The following ATG14 variants were observed in gnomAD, a reference collection of about 807,000 sequenced individuals.
ATG14 encodes the protein beclin 1-associated autophagy-related key regulator.
ATG14 carries 35 observed loss-of-function variants against 60.4 expected under a neutral mutation model. The ratio of observed to expected loss-of-function variants is 0.58; its 90% CI spans 0.44 to 0.77. The LOEUF (loss-of-function observed/expected upper bound fraction) is 0.77. Ranked by LOEUF, ATG14 falls within the 30% of genes least tolerant of loss-of-function variation. The pLI, the probability that ATG14 is intolerant of heterozygous loss-of-function variation, is 0.00. For synonymous variants in ATG14, 234 were observed against 228.8 expected, an observed-to-expected ratio of 1.02 and a Z score of -0.21; for missense variants, 647 against 626.3, an observed-to-expected ratio of 1.03 and a Z score of -0.35.
rs1259706421 is a variant in ATG14 at position 55,369,168 on chromosome 14, C to CT, written c.*450dup. 6.5e-6 allele frequency: 1 copy of CT among 153,270 alleles called. No individual in the cohort carries two copies. Among genetic ancestry groups the CT allele is most frequent in the East Asian group, 1.9e-4 (1 of 5,214 alleles). The allele number at this position is 153,270 out of a possible 1,614,324, so 9.5% of individuals were successfully genotyped here. A position where few individuals can be genotyped will look rare whatever the true frequency, so the allele number is the denominator to read the frequency against. On this transcript the variant is annotated 3_prime_UTR_variant, in exon 10 of 10. Transcript: ENST00000247178. ...TGGCAGAAAAACTCTTATTAAAGAG[C>CT]TTTTATCTTTCATGTCCTAATAATC...
At chr14:55,386,166 C>A (rs887132113) in intron 4 of ATG14, 70 bp from the exon 5 acceptor site, 3 of 1,278,446 alleles carry the variant, frequency 2.3e-6, no homozygotes, top group Non-Finnish European at 3.3e-6. Flanking sequence ...AGCTCCACCC[C>A]ACAAACATGC....
chr14:55,367,905 A>G lies in ATG14; in HGVS notation c.*1714T>C, dbSNP rs1266443603. On this transcript the variant is annotated 3_prime_UTR_variant, in exon 10 of 10. Transcript: ENST00000247178. ...ACCAAATATACCATTAGCAAAAGCT[A>G]TATAGCACCTCGGACTTGGAGGCAA... 1.3e-5 allele frequency: 2 copies of G among 152,580 alleles called. No homozygotes were observed. Among genetic ancestry groups the G allele is most frequent in the Non-Finnish European group, 2.9e-5 (2 of 68,036 alleles). 9.5% of individuals were successfully genotyped at this position (152,580 alleles called of 1,614,324 possible). A position where few individuals can be genotyped will look rare whatever the true frequency, so the allele number is the denominator to read the frequency against.
chr14:55,381,437 G>A (rs1308978048), intron 6 of ATG14, among the ~76,000 whole-genome samples: 2 of 152,010 alleles, frequency 1.3e-5, no homozygotes, highest in Non-Finnish European at 2.9e-5. Context: ...TTTAAATAAC[G>A]TCCTCTTACA....
At chr14:55,370,743 C>CT (rs1319517236) in intron 9 of ATG14, among the ~76,000 whole-genome samples, 2 of 151,284 alleles carry the variant, frequency 1.3e-5, no homozygotes, top group East Asian at 3.9e-4. Context: ...CAGGTGCAAG[C>CT]GATTCTCCTG....
chr14:55,368,949 C>A lies in ATG14; in HGVS notation c.*670G>T, dbSNP rs1275643431. 1 of 152,550 alleles carries A rather than the reference C, an allele frequency of 6.6e-6. No homozygotes were observed. Among genetic ancestry groups the A allele is most frequent in the Non-Finnish European group, 1.5e-5 (1 of 68,034 alleles). 9.4% of individuals were successfully genotyped at this position (152,550 alleles called of 1,614,324 possible). A position where few individuals can be genotyped will look rare whatever the true frequency, so the allele number is the denominator to read the frequency against. On this transcript the variant is annotated 3_prime_UTR_variant, in exon 10 of 10. Transcript: ENST00000247178. ...GACATTATTGCAGCCAGGATTTCTT[C>A]CATTTATGGATGTGGGTCCTAAAGA...
chr14:55,382,005 G>A lies in ATG14; in HGVS notation c.834C>T (p.Ala278=). The change falls in exon 6 of 10, where the codon GCC becomes GCT. Residue 278 remains alanine (A), a synonymous_variant. Coordinates refer to ENST00000247178, the MANE Select transcript of ATG14 (RefSeq NM_014924.5). ...TCTTCTCCTCCACCCAGCTGTAGTA[G>A]GCAGAGTAGTCCCCATTGTTAGGGA... ...ISLPNNGDYS[A]YYSWVEEKKT... The A allele has an allele frequency of 5.6e-6, 9 of 1,614,140 alleles. No homozygotes were observed. Among genetic ancestry groups the A allele is most frequent in the Non-Finnish European group, 7.6e-6 (9 of 1,180,012 alleles).
At chr14:55,383,429 T>C (rs146647529) in intron 5 of ATG14, among the ~76,000 whole-genome samples, 4,385 of 152,104 alleles carry the variant, frequency 0.029, 87 homozygotes, top group Middle Eastern at 0.068. Flanking sequence ...TGGGTGCCTG[T>C]AATCCCAGCT....
At chr14:55,370,742 G>A (rs535155861) in intron 9 of ATG14, among the ~76,000 whole-genome samples, 2 of 151,222 alleles carry the variant, frequency 1.3e-5, no homozygotes, top group African/African-American at 4.9e-5. Context: ...CCAGGTGCAA[G>A]CGATTCTCCT....
intron 1 of ATG14, among the ~76,000 whole-genome samples, chr14:55,399,651 A>G (rs1885367209): frequency 6.6e-6 from 1 of 152,234 alleles, no homozygotes; most frequent in African/African-American, 2.4e-5. Flanking sequence ...AAAATGAGAG[A>G]CTAATATAGT....
chr14:55,369,961 A>C (rs369167678), intron 9 of ATG14, 36 bp from the exon 10 acceptor site: 7 of 1,530,314 alleles, frequency 4.6e-6, no homozygotes, highest in Admixed American at 2.0e-5. Context: ...TTAGGATAAC[A>C]ACCATTCTCA....
Position 55,401,114 on chromosome 14 carries a change from A to T in ATG14, c.222-3680T>A, listed in dbSNP as rs114996569. On this transcript the variant is annotated intron_variant, in intron 1 of 9. Coordinates refer to ENST00000247178, the MANE Select transcript of ATG14 (RefSeq NM_014924.5). ...TTTCTTTTTATTCTTTGCTAATCTG[A>T]TTGGCCTCCCATCCCTCCCTCTGAG... Among the ~76,000 whole-genome samples the T allele has an allele frequency of 7.7e-3, 1,163 of 151,998 alleles. 12 individuals are homozygous for T. Among genetic ancestry groups the T allele is most frequent in the African/African-American group, 0.023 (937 of 41,478 alleles).
At chr14:55,393,902 T>G (rs2140142544) in intron 3 of ATG14, among the ~76,000 whole-genome samples, 1 of 152,184 alleles carries the variant, frequency 6.6e-6, no homozygotes, top group African/African-American at 2.4e-5. Flanking sequence ...AAATCATACT[T>G]TATCCTAGTT....
At chr14:55,409,706 T>C (rs1885542035) in intron 1 of ATG14, among the ~76,000 whole-genome samples, 1 of 152,050 alleles carries the variant, frequency 6.6e-6, no homozygotes, top group South Asian at 2.1e-4. Context: ...CACAGCAGAT[T>C]AGGTAAGGGA....
At chr14:55,370,509 C>T (rs1452081821) in intron 9 of ATG14, among the ~76,000 whole-genome samples, 1 of 152,116 alleles carries the variant, frequency 6.6e-6, no homozygotes, top group African/African-American at 2.4e-5. Flanking sequence ...CAGGAGAAAA[C>T]AATTTTTATT....
At chr14:55,407,248 C>T (rs923927490) in intron 1 of ATG14, among the ~76,000 whole-genome samples, 1 of 152,220 alleles carries the variant, frequency 6.6e-6, no homozygotes, top group East Asian at 1.9e-4. Flanking sequence ...CCTGCCTCAG[C>T]CTCCTGAGTA....
chr14:55,395,830 G>A, intron 3 of ATG14, 110 bp downstream of exon 3: 1 of 691,370 alleles, frequency 1.4e-6, no homozygotes, highest in Non-Finnish European at 2.1e-6. Flanking sequence ...GGATTAAGTA[G>A]AGGACTGCTA....
chr14:55,399,353 G>A (rs1174082334), intron 1 of ATG14, among the ~76,000 whole-genome samples: 2 of 152,294 alleles, frequency 1.3e-5, no homozygotes, highest in Non-Finnish European at 1.5e-5. Flanking sequence ...TTACCGGATG[G>A]TGTACATACA....
chr14:55,380,545 G>A (rs1283732585), intron 7 of ATG14, 28 bp downstream of exon 7: 2 of 1,403,862 alleles, frequency 1.4e-6, no homozygotes, highest in Non-Finnish European at 2.0e-6. Context: ...CCATGATAAA[G>A]ATGACATTAC....
At position 55,366,928 on chromosome 14, in the gene ATG14, G is replaced by A. The variant is rs1884692725; in HGVS notation, c.*2691C>T. On this transcript the variant is annotated 3_prime_UTR_variant, in exon 10 of 10. Transcript: ENST00000247178. The stretch of plus-strand genomic sequence containing the variant: ...TAAGAGTATTTACAGGGTGGATCCA[G>A]TGCAAAATAATGAAACCCAAAATAT... 1 of 152,682 alleles carries A rather than the reference G, an allele frequency of 6.5e-6. No homozygotes were observed. The highest frequency in any genetic ancestry group is 6.5e-5 in the Admixed American group (1 of 15,290). The allele number at this position is 152,682 out of a possible 1,614,324, so 9.5% of individuals were successfully genotyped here.
Sources: allele counts gnomAD v4.1 joint callset (sites outside exome capture counted in the v4.1 genomes callset), GRCh38; gene constraint gnomAD v4.1.1; transcripts MANE v1.5; gene names NCBI Gene and HGNC (gene_info 2026-07-23, HGNC 2026-07-21).